The following EML6 variants were observed in gnomAD, a reference collection of about 807,000 sequenced individuals.
EML6 encodes the protein echinoderm microtubule-associated protein-like 6.
A neutral mutation model predicts 240.1 loss-of-function variants in EML6; 154 were observed. The observed-to-expected ratio is 0.64, with a 90% CI of 0.56 to 0.73. The LOEUF is 0.73. Among genes scored for constraint, EML6 ranks in the 30% least tolerant of loss-of-function variants. EML6 has a pLI of 0.00. For synonymous variants in EML6, 1,148 were observed against 899.0 expected (o/e 1.28, Z -4.95); for missense variants, 2,964 against 2,474.6 (o/e 1.20, Z -4.20).
At chr2:54,830,325 C>A (rs1371895178) in intron 7 of EML6, among the ~76,000 whole-genome samples, 1 of 152,116 alleles carries the variant, frequency 6.6e-6, no homozygotes, top group Non-Finnish European at 1.5e-5. Context: ...ACAGGTGGGC[C>A]ACAGACCCTG....
chr2:54,895,427 C>T, intron 21 of EML6, 27 bp downstream of exon 21: 1 of 1,550,220 alleles, frequency 6.5e-7, no homozygotes, highest in Non-Finnish European at 8.7e-7. Context: ...TTCTAAACTG[C>T]AGTTCACATC....
intron 2 of EML6, among the ~76,000 whole-genome samples, chr2:54,763,172 C>T (rs376111491): frequency 3.9e-5 from 6 of 152,116 alleles, no homozygotes; most frequent in African/African-American, 1.4e-4. Flanking sequence ...GTATACCCAT[C>T]GAGTATGAAA....
At chr2:54,893,207 G>T (rs1389750512) in intron 19 of EML6, among the ~76,000 whole-genome samples, 1 of 152,144 alleles carries the variant, frequency 6.6e-6, no homozygotes, top group African/African-American at 2.4e-5. Flanking sequence ...GCCTTGCAGT[G>T]TCCCTCTACA....
intron 26 of EML6, among the ~76,000 whole-genome samples, chr2:54,922,650 T>C (rs1340090882): frequency 1.3e-5 from 2 of 152,164 alleles, no homozygotes; most frequent in East Asian, 3.8e-4. Flanking sequence ...GAAGTATCTA[T>C]CAACAAATGA....
rs139932435 is a variant in EML6 at position 54,964,401 on chromosome 2, A to G, written c.5331-170A>G. On this transcript the variant is annotated intron_variant, in intron 37 of 41. Coordinates refer to ENST00000356458, the MANE Select transcript of EML6 (RefSeq NM_001039753.4). ...TACATATTTCCCGGGGATTCGATCC[A>G]GATAAATTGTTGAATTCCGTAGAAT... Among the ~76,000 whole-genome samples, 696 of 152,370 alleles carry G rather than the reference A, an allele frequency of 4.6e-3. 5 individuals carry two copies. Among genetic ancestry groups the G allele is most frequent in the African/African-American group, 0.016 (666 of 41,586 alleles).
rs1178053713 is a variant in EML6 at position 54,859,661 on chromosome 2, A to G, written c.1785A>G (p.Pro595=). 1.3e-6 allele frequency: 2 copies of G among 1,549,592 alleles called. No individual in the cohort carries two copies. Among genetic ancestry groups the G allele is most frequent in the East Asian group, 4.9e-5 (2 of 40,906 alleles). ...CAGTTTTCCAGTGGAGGTTTATTCC[A>G]GAAGGTGTCAGCAACGGCATGCTGG... ...DHSVFQWRFI[P]EGVSNGMLET... The change falls in exon 12 of 42, where the codon CCA becomes CCG. Residue 595 remains proline, a synonymous_variant. Coordinates refer to ENST00000356458, the MANE Select transcript of EML6 (RefSeq NM_001039753.4).
chr2:54,811,139 T>C (rs889024353), intron 2 of EML6, among the ~76,000 whole-genome samples: 3 of 152,122 alleles, frequency 2.0e-5, no homozygotes, highest in African/African-American at 4.8e-5. Context: ...CCCTGGTCCC[T>C]AACTGACCAC....
chr2:54,865,238 C>T (rs114715870), intron 13 of EML6, among the ~76,000 whole-genome samples: 335 of 150,832 alleles, frequency 2.2e-3, no homozygotes, highest in African/African-American at 7.6e-3. Flanking sequence ...CCTGTAATAC[C>T]GATGCTTTGG....
intron 2 of EML6, among the ~76,000 whole-genome samples, chr2:54,789,224 T>G (rs1269985765): frequency 6.6e-6 from 1 of 152,056 alleles, no homozygotes; most frequent in Non-Finnish European, 1.5e-5. Context: ...AGAAAGAATG[T>G]GCTTTCCGGC....
intron 2 of EML6, among the ~76,000 whole-genome samples, chr2:54,805,686 G>C (rs1670430757): frequency 6.6e-6 from 1 of 151,940 alleles, no homozygotes; most frequent in Admixed American, 6.6e-5. Flanking sequence ...TATTTTTAAA[G>C]TCCAATTTCT....
At chr2:54,872,929 C>G (rs1470959849) in intron 16 of EML6, among the ~76,000 whole-genome samples, 1 of 152,184 alleles carries the variant, frequency 6.6e-6, no homozygotes, top group Non-Finnish European at 1.5e-5. Flanking sequence ...CTCCATGTGG[C>G]ACACAGTTAC....
chr2:54,900,046 C>G (rs1454501264), intron 22 of EML6, among the ~76,000 whole-genome samples: 1 of 152,204 alleles, frequency 6.6e-6, no homozygotes, highest in Admixed American at 6.5e-5. Context: ...ATATGTCCTT[C>G]CTCTTCTCAT....
At chr2:54,844,547 A>G (rs527249260) in intron 8 of EML6, among the ~76,000 whole-genome samples, 6 of 152,348 alleles carry the variant, frequency 3.9e-5, no homozygotes, top group Non-Finnish European at 8.8e-5. Context: ...ATCTATGATG[A>G]AACCATATTG....
chr2:54,943,528 C>G (rs1268462338), intron 28 of EML6, among the ~76,000 whole-genome samples: 1 of 152,132 alleles, frequency 6.6e-6, no homozygotes, highest in Non-Finnish European at 1.5e-5. Flanking sequence ...TCATTCAGGC[C>G]TTGTAGTCTT....
chr2:54,928,820 C>T (rs17418194), intron 28 of EML6, 69 bp downstream of exon 28: 306,936 of 1,531,934 alleles, frequency 0.2, 32,772 homozygotes, highest in Middle Eastern at 0.24. Context: ...AGCCAGAGTG[C>T]GTTTTCTTTG....
intron 14 of EML6, 69 bp downstream of exon 14, chr2:54,866,953 C>T: frequency 1.1e-6 from 1 of 922,064 alleles, no homozygotes; most frequent in Non-Finnish European, 1.7e-6. Context: ...AACCTTAGCA[C>T]CAGGCTTAAG....
At chr2:54,770,397 C>T (rs1668357737) in intron 2 of EML6, among the ~76,000 whole-genome samples, 1 of 152,186 alleles carries the variant, frequency 6.6e-6, no homozygotes, top group Admixed American at 6.5e-5. Context: ...GTTCCTCATT[C>T]CTGTGGGATG....
chr2:54,798,528 T>C (rs547134944), intron 2 of EML6, among the ~76,000 whole-genome samples: 1 of 152,334 alleles, frequency 6.6e-6, no homozygotes, highest in Non-Finnish European at 1.5e-5. Context: ...ACTTAAGATC[T>C]TAAGTACCTT....
rs1012346033 is a variant in EML6 at position 54,725,767 on chromosome 2, G to A, written c.197+509G>A. 2.0e-5 allele frequency among the ~76,000 whole-genome samples: 3 copies of A among 152,218 alleles called. No homozygotes were observed. Among genetic ancestry groups the A allele is most frequent in the Non-Finnish European group, 2.9e-5 (2 of 68,036 alleles). On this transcript the variant is annotated intron_variant, in intron 2 of 41. Coordinates refer to ENST00000356458, the MANE Select transcript of EML6 (RefSeq NM_001039753.4). This position sits in a 1 kb window ranked among gnomAD's most constrained non-coding sequence, Gnocchi z 4.3. ...GACCTGGGAAATTTCTGCAGTGGGT[G>A]GGGAGTTTGTTCTCTAATATTTCAC...
Sources: allele counts gnomAD v4.1 joint callset (sites outside exome capture counted in the v4.1 genomes callset), GRCh38; gene constraint gnomAD v4.1.1; non-coding constraint Gnocchi (gnomAD v3.1); transcripts MANE v1.5; gene names NCBI Gene and HGNC (gene_info 2026-07-23, HGNC 2026-07-21).